Variants in KHDC1 observed in about 807,000 individuals in gnomAD.
The protein encoded by KHDC1 is KH homology domain-containing protein 1.
In KHDC1, 21 loss-of-function variants were observed where a neutral mutation model predicts 24.7. The observed-to-expected ratio is 0.85, with a 90% CI of 0.60 to 1.23. The LOEUF is 1.23. Among genes scored for constraint, KHDC1 ranks in the 50% most tolerant of loss-of-function variants. The pLI, the probability that KHDC1 is intolerant of heterozygous loss-of-function variation, is 0.00. For missense variants in KHDC1, 274 were observed against 298.5 expected (o/e 0.92, Z 0.61); for synonymous variants, 98 against 111.7 (o/e 0.88, Z 0.77).
At chr6:73,272,820 G>A (rs1231744040) in intron 2 of KHDC1, among the ~76,000 whole-genome samples, 1 of 150,682 alleles carries the variant, frequency 6.6e-6, no homozygotes, top group African/African-American at 2.4e-5. Flanking sequence ...ATATTTTAGG[G>A]CCTGGGCTGG....
At chr6:73,285,866 A>T (rs1294301071) in intron 2 of KHDC1, among the ~76,000 whole-genome samples, 1 of 152,096 alleles carries the variant, frequency 6.6e-6, no homozygotes, top group Non-Finnish European at 1.5e-5. Context: ...CCAAGAACTG[A>T]TCAAAGTTAG....
chr6:73,252,623 C>A (rs1028816076), intron 2 of KHDC1, among the ~76,000 whole-genome samples: 2 of 151,204 alleles, frequency 1.3e-5, no homozygotes, highest in African/African-American at 4.9e-5. Flanking sequence ...CCAGCCTGGG[C>A]AACATGGCAA....
chr6:73,263,776 T>C (rs1453829953), intron 2 of KHDC1, among the ~76,000 whole-genome samples: 1 of 152,246 alleles, frequency 6.6e-6, no homozygotes, highest in Non-Finnish European at 1.5e-5. Context: ...CATTGCTTCC[T>C]GCGGATTCCA....
intron 2 of KHDC1, among the ~76,000 whole-genome samples, chr6:73,288,019 AATCCAGTATTAC>A (rs1234460927): frequency 1.3e-5 from 2 of 152,194 alleles, no homozygotes; most frequent in Non-Finnish European, 2.9e-5. Flanking sequence ...GACCAAATCA[AATCCAGTATTAC>A]ATCCCAGGGG....
chr6:73,301,303 A>C (rs1166538214), intron 1 of KHDC1: 1 of 152,154 alleles, frequency 6.6e-6, no homozygotes, highest in Non-Finnish European at 1.5e-5. Context: ...TAAAATCAAC[A>C]ATATATTATT....
intron 2 of KHDC1, among the ~76,000 whole-genome samples, chr6:73,254,275 A>C (rs1443125560): frequency 6.6e-6 from 1 of 151,946 alleles, no homozygotes; most frequent in Non-Finnish European, 1.5e-5. Context: ...AGCCTGGCCA[A>C]CATGGAGAAA....
At chr6:73,308,423 C>G (rs1768012952) in intron 1 of KHDC1, among the ~76,000 whole-genome samples, 13 of 151,546 alleles carry the variant, frequency 8.6e-5, no homozygotes, top group Admixed American at 8.6e-4. Flanking sequence ...GTTGACCAGG[C>G]TGGTCTTGAG....
At chr6:73,262,263 C>T (rs1332628437) in intron 2 of KHDC1, among the ~76,000 whole-genome samples, 8 of 152,194 alleles carry the variant, frequency 5.3e-5, no homozygotes, top group Non-Finnish European at 1.0e-4. Flanking sequence ...GGAGTTAATA[C>T]ATTTAAAGAG....
At chr6:73,273,744 G>A (rs1407993661) in intron 2 of KHDC1, among the ~76,000 whole-genome samples, 2 of 151,960 alleles carry the variant, frequency 1.3e-5, no homozygotes, top group Non-Finnish European at 1.5e-5. Flanking sequence ...GCGTGAACCC[G>A]GGAGGTGGAG....
intron 2 of KHDC1, among the ~76,000 whole-genome samples, chr6:73,257,499 A>G (rs1292136991): frequency 6.6e-6 from 1 of 152,102 alleles, no homozygotes; most frequent in Non-Finnish European, 1.5e-5. Flanking sequence ...CCCAGGTTCA[A>G]GAGATTCTCC....
At chr6:73,290,408 C>T in intron 2 of KHDC1, 1 of 338,620 alleles carries the variant, frequency 3.0e-6, no homozygotes, top group Non-Finnish European at 5.7e-6. Flanking sequence ...CCCTTGATGT[C>T]CTCAAATTTC....
At chr6:73,264,795 A>G (rs1295271790) in intron 2 of KHDC1, among the ~76,000 whole-genome samples, 1 of 152,232 alleles carries the variant, frequency 6.6e-6, no homozygotes, top group Non-Finnish European at 1.5e-5. Flanking sequence ...AGCAGAGTCA[A>G]AAACCTGGAA....
chr6:73,249,663 T>G (rs1766743328), intron 2 of KHDC1, among the ~76,000 whole-genome samples: 1 of 152,190 alleles, frequency 6.6e-6, no homozygotes, highest in African/African-American at 2.4e-5. Flanking sequence ...CTCTGCTGGA[T>G]GTGGACTCAC....
chr6:73,306,679 CG>C (rs1449146715), intron 1 of KHDC1, among the ~76,000 whole-genome samples: 2 of 140,408 alleles, frequency 1.4e-5, no homozygotes, highest in East Asian at 4.4e-4. Flanking sequence ...GTTGGTGCCC[CG>C]GGGCAGTGGG....
chr6:73,292,392 A>G, intron 1 of KHDC1: 1 of 781,490 alleles, frequency 1.3e-6, no homozygotes, highest in Non-Finnish European at 2.4e-6. Flanking sequence ...TGTGGGAATT[A>G]CTCAGGAGCA....
At chr6:73,272,524 C>G (rs1477627838) in intron 2 of KHDC1, among the ~76,000 whole-genome samples, 1 of 151,928 alleles carries the variant, frequency 6.6e-6, no homozygotes, top group African/African-American at 2.4e-5. Context: ...ACCCGTAATC[C>G]CAGCGCTTTG....
chr6:73,291,897 AT>A, intron 2 of KHDC1: 1 of 1,300,672 alleles, frequency 7.7e-7, no homozygotes, highest in South Asian at 1.3e-5. Flanking sequence ...AAGCCTGCAC[AT>A]GCACCTCCTG....
At chr6:73,288,176 A>T (rs1438659741) in intron 2 of KHDC1, among the ~76,000 whole-genome samples, 3 of 152,186 alleles carry the variant, frequency 2.0e-5, no homozygotes, top group Non-Finnish European at 4.4e-5. Context: ...ACTGCTGCAG[A>T]CTCAACCAAG....
At chr6:73,287,799 A>C (rs999145515) in intron 2 of KHDC1, among the ~76,000 whole-genome samples, 3 of 152,180 alleles carry the variant, frequency 2.0e-5, no homozygotes, top group African/African-American at 4.8e-5. Context: ...TCAAGTAATA[A>C]ATGGAGTCCT....
Sources: gnomAD v4.1 joint callset for allele counts (sites outside exome capture counted in the v4.1 genomes callset) on GRCh38, gnomAD v4.1.1 for gene constraint, MANE v1.5 for transcripts, NCBI Gene and HGNC (gene_info 2026-07-23, HGNC 2026-07-21) for gene names.